Variants in GABRG3 observed in about 807,000 individuals in gnomAD.
GABRG3 encodes the protein gamma-aminobutyric acid type A receptor subunit gamma3.
A neutral mutation model predicts 48.8 loss-of-function variants in GABRG3; 25 were observed. The observed-to-expected ratio is 0.51, with a 90% CI of 0.37 to 0.72. The LOEUF is 0.72. Among genes scored for constraint, GABRG3 ranks in the 30% least tolerant of loss-of-function variants. GABRG3 has a pLI of 0.00. For synonymous variants in GABRG3, 227 were observed against 217.6 expected, an observed-to-expected ratio of 1.04 and a Z score of -0.38; for missense variants, 394 against 577.9, an observed-to-expected ratio of 0.68 and a Z score of 3.26.
At chr15:27,099,098 A>T (rs1897313498) in intron 3 of GABRG3, among the ~76,000 whole-genome samples, 1 of 152,222 alleles carries the variant, frequency 6.6e-6, no homozygotes, top group African/African-American at 2.4e-5. Flanking sequence ...CAACAGCAAG[A>T]TGAATGAGAT....
intron 5 of GABRG3, among the ~76,000 whole-genome samples, chr15:27,451,589 A>G (rs1427899031): frequency 6.6e-6 from 1 of 152,162 alleles, no homozygotes; most frequent in Non-Finnish European, 1.5e-5. Context: ...AAATTTCTGG[A>G]AGAAAACATA....
chr15:27,046,260 A>AT (rs569250980), intron 3 of GABRG3, among the ~76,000 whole-genome samples: 6,350 of 141,364 alleles, frequency 0.045, 187 homozygotes, highest in African/African-American at 0.072. Context: ...TACCTGGCTA[A>AT]TTTTTTTTTT....
chr15:27,048,081 G>A (rs531370050), intron 3 of GABRG3, among the ~76,000 whole-genome samples: 69 of 152,236 alleles, frequency 4.5e-4, no homozygotes, highest in African/African-American at 1.6e-3. Flanking sequence ...AGTCTGGAGG[G>A]GGCTCCATCC....
At chr15:27,303,008 T>A (rs1240946909) in intron 3 of GABRG3, among the ~76,000 whole-genome samples, 1 of 151,846 alleles carries the variant, frequency 6.6e-6, no homozygotes, top group Non-Finnish European at 1.5e-5. Flanking sequence ...TAGTATTAAG[T>A]GCTTATATTA....
chr15:27,032,731 G>T (rs1040775543), intron 3 of GABRG3, among the ~76,000 whole-genome samples: 1 of 152,124 alleles, frequency 6.6e-6, no homozygotes, highest in African/African-American at 2.4e-5. Context: ...ATCCAACAAG[G>T]GAATCACATT....
chr15:27,002,513 G>A (rs1179659118), intron 2 of GABRG3, among the ~76,000 whole-genome samples: 3 of 151,936 alleles, frequency 2.0e-5, no homozygotes, highest in Non-Finnish European at 4.4e-5. Flanking sequence ...TCTACTTTTA[G>A]TGCAGCATTT....
intron 3 of GABRG3, among the ~76,000 whole-genome samples, chr15:27,312,374 G>A (rs1217421916): frequency 2.6e-5 from 4 of 152,052 alleles, no homozygotes; most frequent in Non-Finnish European, 5.9e-5. Context: ...ACACCAGAAA[G>A]CATATTCAAA....
chr15:27,360,445 G>GAA, intron 5 of GABRG3, among the ~76,000 whole-genome samples: 2 of 152,352 alleles, frequency 1.3e-5, no homozygotes, highest in Admixed American at 1.3e-4. Context: ...TGGGCCACCA[G>GAA]AAACACACTT....
chr15:27,419,955 A>AT (rs199640577), intron 5 of GABRG3, among the ~76,000 whole-genome samples: 40 of 152,326 alleles, frequency 2.6e-4, no homozygotes, highest in Admixed American at 2.3e-3. Flanking sequence ...CAAATGTTTG[A>AT]TTTTTTAAAA....
At chr15:27,203,565 G>A (rs1282324223) in intron 3 of GABRG3, among the ~76,000 whole-genome samples, 2 of 152,138 alleles carry the variant, frequency 1.3e-5, no homozygotes, top group East Asian at 3.8e-4. Flanking sequence ...ACCCAGTAAT[G>A]GGATTGTTGG....
chr15:27,050,890 A>C (rs948896198), intron 3 of GABRG3, among the ~76,000 whole-genome samples: 6 of 152,194 alleles, frequency 3.9e-5, no homozygotes, highest in African/African-American at 1.4e-4. Context: ...TATGATGTTT[A>C]ATATCATGGT....
chr15:27,326,070 C>T (rs1893602808), intron 3 of GABRG3, among the ~76,000 whole-genome samples: 1 of 152,046 alleles, frequency 6.6e-6, no homozygotes, highest in African/African-American at 2.4e-5. Flanking sequence ...CTAGAGTGCC[C>T]CTAGGATAGA....
chr15:27,031,281 A>G (rs1305338301), intron 3 of GABRG3, among the ~76,000 whole-genome samples: 2 of 152,170 alleles, frequency 1.3e-5, no homozygotes, highest in Non-Finnish European at 2.9e-5. Context: ...GTATCTTAAG[A>G]ACAGTGGCAC....
intron 3 of GABRG3, among the ~76,000 whole-genome samples, chr15:27,189,541 G>A (rs1888223266): frequency 2.0e-5 from 3 of 151,670 alleles, no homozygotes; most frequent in Non-Finnish European, 3.0e-5. Context: ...TCTGTTATTG[G>A]TGTATAAGAA....
chr15:27,532,531 G>T, intron 9 of GABRG3, 69 bp from the exon 10 acceptor site: 1 of 1,482,876 alleles, frequency 6.7e-7, no homozygotes, highest in Non-Finnish European at 9.2e-7. Context: ...TGGACCTACT[G>T]CTTCATACAC....
At chr15:27,088,489 GTA>G (rs1436683669) in intron 3 of GABRG3, among the ~76,000 whole-genome samples, 2 of 152,114 alleles carry the variant, frequency 1.3e-5, no homozygotes, top group Non-Finnish European at 2.9e-5. Context: ...AACACTGCCT[GTA>G]TTAGTCCAGT....
In GABRG3 at chr15:26,976,410, G is replaced by C. The variant is rs1595450582; in HGVS notation, c.54-592G>C. 6.6e-6 allele frequency among the ~76,000 whole-genome samples: 1 copy of C among 152,232 alleles called. No homozygotes were observed. The highest frequency in any genetic ancestry group is 1.9e-4 in the East Asian group (1 of 5,192). Reference sequence around the variant, plus strand: ...GCTAGAGGGTCTTCACCAGTCATCAGCGAACATCGCTGTCCTTGCCTCCAA... The same window carrying C: ...GCTAGAGGGTCTTCACCAGTCATCACCGAACATCGCTGTCCTTGCCTCCAA... On this transcript the variant is annotated intron_variant, in intron 1 of 9. Coordinates refer to ENST00000615808, the MANE Select transcript of GABRG3 (RefSeq NM_033223.5). The surrounding 1 kb of genome is among the most constrained non-coding windows in gnomAD (Gnocchi z 7.8).
chr15:27,129,865 C>G (rs1375063795), intron 3 of GABRG3, among the ~76,000 whole-genome samples: 1 of 152,072 alleles, frequency 6.6e-6, no homozygotes, highest in African/African-American at 2.4e-5. Flanking sequence ...AATACCTATT[C>G]AAGTCGTTTG....
At chr15:27,109,724 G>C (rs1338834556) in intron 3 of GABRG3, among the ~76,000 whole-genome samples, 1 of 152,056 alleles carries the variant, frequency 6.6e-6, no homozygotes, top group Non-Finnish European at 1.5e-5. Flanking sequence ...TCTACTAAAA[G>C]TACAACAATT....
Sources: allele counts gnomAD v4.1 joint callset (sites outside exome capture counted in the v4.1 genomes callset), GRCh38; gene constraint gnomAD v4.1.1; non-coding constraint Gnocchi (gnomAD v3.1); transcripts MANE v1.5; gene names NCBI Gene and HGNC (gene_info 2026-07-23, HGNC 2026-07-21).